Variants in ASIC2 observed in about 807,000 individuals in gnomAD.
The protein encoded by ASIC2 is acid-sensing ion channel 2.
In ASIC2, 25 loss-of-function variants were observed where a neutral mutation model predicts 57.3. That is an observed-to-expected ratio of 0.44 (90% CI 0.32 to 0.61). The LOEUF is 0.61. ASIC2 is among the 20% of genes least tolerant of loss of function. The pLI is 0.06. For missense variants in ASIC2, 641 were observed against 738.1 expected, an observed-to-expected ratio of 0.87 and a Z score of 1.52; for synonymous variants, 319 against 307.5, an observed-to-expected ratio of 1.04 and a Z score of -0.39.
In ASIC2 at chr17:33,817,624, G is replaced by A. The variant is rs1024550715; in HGVS notation, c.555+338354C>T. Among the ~76,000 whole-genome samples, 5 of 152,256 alleles carry A rather than the reference G, an allele frequency of 3.3e-5. No individual in the cohort carries two copies. In the South Asian group the frequency reaches 8.3e-4, roughly 25 times the overall value. ...GTATAACCTCCCTGAGAGCAGTTTT[G>A]TCCTCTGTCAAATGGTTGCTACGGC... is the stretch of plus-strand genomic sequence containing the variant. On this transcript the variant is annotated intron_variant, in intron 1 of 9. Transcript: ENST00000359872.
intron 1 of ASIC2, among the ~76,000 whole-genome samples, chr17:33,493,236 C>T (rs1265193011): frequency 2.0e-5 from 3 of 152,338 alleles, no homozygotes; most frequent in African/African-American, 4.8e-5. Flanking sequence ...TTCACCTTTG[C>T]TCTGTACTGG....
At chr17:33,625,501 A>G (rs2142023683) in intron 1 of ASIC2, among the ~76,000 whole-genome samples, 1 of 152,272 alleles carries the variant, frequency 6.6e-6, no homozygotes, top group African/African-American at 2.4e-5. Context: ...CACCCACCTA[A>G]GCAGCTCCCA....
At chr17:33,961,385 G>A (rs1380928468) in intron 1 of ASIC2, among the ~76,000 whole-genome samples, 1 of 150,628 alleles carries the variant, frequency 6.6e-6, no homozygotes, top group East Asian at 1.9e-4. Flanking sequence ...TCCTGAACAG[G>A]TCCATCACAG....
chr17:33,991,290 A>C (rs1905992708), intron 1 of ASIC2, among the ~76,000 whole-genome samples: 1 of 152,196 alleles, frequency 6.6e-6, no homozygotes, highest in Non-Finnish European at 1.5e-5. Context: ...TGATAAAGAG[A>C]AGACATCAGA....
At chr17:33,123,549 T>C (rs1329637857) in intron 1 of ASIC2, among the ~76,000 whole-genome samples, 1 of 152,216 alleles carries the variant, frequency 6.6e-6, no homozygotes, top group Non-Finnish European at 1.5e-5. Flanking sequence ...TGCTTCTAAC[T>C]GCTGCATGCT....
chr17:34,040,891 C>T (rs1431126169), intron 1 of ASIC2, among the ~76,000 whole-genome samples: 3 of 152,156 alleles, frequency 2.0e-5, no homozygotes, highest in Non-Finnish European at 2.9e-5. Context: ...CCACAACTAT[C>T]CTAGGAGGAA....
At chr17:33,555,628 A>G (rs1430551884) in intron 1 of ASIC2, among the ~76,000 whole-genome samples, 3 of 152,200 alleles carry the variant, frequency 2.0e-5, no homozygotes, top group African/African-American at 7.2e-5. Flanking sequence ...TTCTTGGTCC[A>G]AATGACACTG....
intron 1 of ASIC2, among the ~76,000 whole-genome samples, chr17:34,085,231 G>C (rs895228857): frequency 5.3e-5 from 8 of 152,152 alleles, no homozygotes; most frequent in Non-Finnish European, 1.2e-4. Flanking sequence ...CTAATTTATT[G>C]AGAGTTTTTA....
intron 1 of ASIC2, among the ~76,000 whole-genome samples, chr17:34,065,463 T>C (rs1364640457): frequency 6.6e-6 from 1 of 152,180 alleles, no homozygotes; most frequent in Non-Finnish European, 1.5e-5. Flanking sequence ...CTAAAGAACT[T>C]ACTCATGTAA....
At chr17:33,120,718 A>C (rs2092298981) in intron 1 of ASIC2, among the ~76,000 whole-genome samples, 1 of 152,174 alleles carries the variant, frequency 6.6e-6, no homozygotes, top group African/African-American at 2.4e-5. Flanking sequence ...GTTTGATGGA[A>C]ATTTCAAATG....
In ASIC2 at chr17:33,399,370, A is replaced by ACACT. The variant is rs1910197923; in HGVS notation, c.556-287307_556-287304dup. On this transcript the variant is annotated intron_variant, in intron 1 of 9. Transcript: ENST00000359872. ...CCTTTGCTGGAGGATAGCCAAAGGCACACTGGGGTGAGGGACGATCAGGAG... is the reference window on the plus strand; with the variant it reads ...CCTTTGCTGGAGGATAGCCAAAGGCACACTCACTGGGGTGAGGGACGATCAGGAG... Among the ~76,000 whole-genome samples the ACACT allele has an allele frequency of 2.0e-5, 3 of 152,210 alleles. 1 individual carries two copies. The South Asian group carries it at 6.2e-4, about 32-fold the overall frequency.
At chr17:33,760,674 T>C (rs1054651405) in intron 1 of ASIC2, among the ~76,000 whole-genome samples, 1 of 152,212 alleles carries the variant, frequency 6.6e-6, no homozygotes. Flanking sequence ...TGTATATATA[T>C]AAAACCTTAC....
chr17:33,071,968 G>A (rs367718699), intron 3 of ASIC2, among the ~76,000 whole-genome samples: 2 of 152,088 alleles, frequency 1.3e-5, no homozygotes, highest in African/African-American at 4.8e-5. Flanking sequence ...TCTGGTTTTG[G>A]GTAGTTTTCT....
chr17:33,406,625 A>G (rs778277688), intron 1 of ASIC2, among the ~76,000 whole-genome samples: 2 of 152,224 alleles, frequency 1.3e-5, no homozygotes, highest in Non-Finnish European at 2.9e-5. Flanking sequence ...GAGAGCTGCC[A>G]TGAGGATTAA....
At chr17:33,142,196 C>T (rs1193487500) in intron 1 of ASIC2, among the ~76,000 whole-genome samples, 3 of 152,096 alleles carry the variant, frequency 2.0e-5, no homozygotes, top group African/African-American at 7.2e-5. Flanking sequence ...CAAGGTTTAT[C>T]TTGGGAATGG....
At chr17:33,121,829 A>G (rs930065839) in intron 1 of ASIC2, among the ~76,000 whole-genome samples, 11 of 152,226 alleles carry the variant, frequency 7.2e-5, no homozygotes, top group African/African-American at 2.4e-4. Flanking sequence ...TTATTAAGAC[A>G]GAGATGCAGT....
At chr17:33,540,211 G>A (rs1915364266) in intron 1 of ASIC2, among the ~76,000 whole-genome samples, 1 of 152,110 alleles carries the variant, frequency 6.6e-6, no homozygotes, top group African/African-American at 2.4e-5. Context: ...GTCATTTTCT[G>A]TGTATCTTCA....
chr17:33,106,445 C>A (rs2092234780), intron 2 of ASIC2, among the ~76,000 whole-genome samples: 1 of 152,066 alleles, frequency 6.6e-6, no homozygotes, highest in Admixed American at 6.5e-5. Context: ...AAGGGAGGTG[C>A]CTATTTGTGG....
chr17:33,221,986 A>C (rs1907705571), intron 1 of ASIC2, among the ~76,000 whole-genome samples: 1 of 152,024 alleles, frequency 6.6e-6, no homozygotes, highest in African/African-American at 2.4e-5. Context: ...TTTTGAATCG[A>C]GTGTGTTTGG....
Sources: allele counts gnomAD v4.1 joint callset (sites outside exome capture counted in the v4.1 genomes callset), GRCh38; gene constraint gnomAD v4.1.1; transcripts MANE v1.5; gene names NCBI Gene and HGNC (gene_info 2026-07-23, HGNC 2026-07-21).